GAB3: variants seen among roughly 807,000 people sequenced by gnomAD.
The protein encoded by GAB3 is GRB2-associated-binding protein 3.
GAB3 carries 12 observed loss-of-function variants against 40.4 expected under a neutral mutation model. The ratio of observed to expected loss-of-function variants is 0.30; its 90% CI spans 0.19 to 0.48. GAB3 has a LOEUF of 0.48. GAB3 is among the 20% of genes least tolerant of loss of function. The pLI is 0.99. For missense variants in GAB3, 381 were observed against 461.9 expected (o/e 0.82, Z 1.61); for synonymous variants, 154 against 176.7 (o/e 0.87, Z 1.02).
Position 154,712,156 on chromosome X carries a change from C to T in GAB3, c.1069+73G>A. 4 of 780,209 alleles carry T rather than the reference C, an allele frequency of 5.1e-6. No homozygotes were observed. In the South Asian group the frequency reaches 1.0e-4, roughly 20 times the overall value. The allele number at this position is 780,209 out of a possible 1,213,427, so 64.3% of individuals were successfully genotyped here. A position where few individuals can be genotyped will look rare whatever the true frequency, so the allele number is the denominator to read the frequency against. On this transcript the variant is annotated intron_variant, in intron 4 of 9. Coordinates refer to ENST00000424127, the MANE Select transcript of GAB3 (RefSeq NM_001081573.3). ...CCATCGTTTTGGTCCATTGGCATGA[C>T]CTCACATGGGCACAAAGAGTGAAGA...
intron 2 of GAB3, among the ~76,000 whole-genome samples, chrX:154,714,572 G>T (rs1367676982): frequency 8.9e-6 from 1 of 111,800 alleles, no homozygotes. Flanking sequence ...TGAGGCGGGG[G>T]GCTACAGAGA....
chrX:154,711,913 C>G (rs1557256099), intron 4 of GAB3, among the ~76,000 whole-genome samples: 1 of 111,758 alleles, frequency 8.9e-6, no homozygotes. Flanking sequence ...TCTATGGGGA[C>G]CTAAATGTCT....
At chrX:154,690,111 C>G (rs1270471044) in intron 8 of GAB3, among the ~76,000 whole-genome samples, 1 of 108,215 alleles carries the variant, frequency 9.2e-6, no homozygotes, top group Non-Finnish European at 1.9e-5. Context: ...GAAACAACGC[C>G]GCATATCTAC....
chrX:154,695,163 C>T (rs782070359), intron 8 of GAB3, among the ~76,000 whole-genome samples: 40 of 111,640 alleles, frequency 3.6e-4, no homozygotes, highest in Admixed American at 9.5e-4. Context: ...CAGAAGCTCT[C>T]TCTTGAGTTC....
At chrX:154,715,332 T>C (rs2071028677) in intron 2 of GAB3, among the ~76,000 whole-genome samples, 1 of 110,798 alleles carries the variant, frequency 9.0e-6, no homozygotes, top group Non-Finnish European at 1.9e-5. Flanking sequence ...ACAAAATCCA[T>C]GAAGGGAAGT....
intron 1 of GAB3, among the ~76,000 whole-genome samples, chrX:154,719,564 G>A (rs782399083): frequency 1.8e-5 from 2 of 112,210 alleles, no homozygotes; most frequent in South Asian, 7.4e-4. Context: ...AGGCATGAGG[G>A]TGGAAAGGAA....
At chrX:154,739,271 G>A (rs2071404246) in intron 1 of GAB3, among the ~76,000 whole-genome samples, 2 of 111,734 alleles carry the variant, frequency 1.8e-5, no homozygotes, top group South Asian at 3.7e-4. Context: ...GTATACTCAC[G>A]TCATCCATGT....
chrX:154,733,139 T>C (rs138879298), intron 1 of GAB3, among the ~76,000 whole-genome samples: 22 of 112,586 alleles, frequency 2.0e-4, no homozygotes, highest in Non-Finnish European at 3.2e-4. Context: ...CTCCCAAGAA[T>C]ACATGTGCAA....
intron 4 of GAB3, among the ~76,000 whole-genome samples, chrX:154,707,920 C>T (rs911806470): frequency 1.4e-4 from 16 of 111,668 alleles, no homozygotes; most frequent in African/African-American, 3.6e-4. Context: ...AGCAAATACA[C>T]GGAAATGTAT....
intron 1 of GAB3, among the ~76,000 whole-genome samples, chrX:154,735,423 T>C (rs2071351630): frequency 8.9e-6 from 1 of 111,995 alleles, no homozygotes; most frequent in Non-Finnish European, 1.9e-5. Context: ...AACAATTAAA[T>C]GCAGACTGTT....
intron 8 of GAB3, among the ~76,000 whole-genome samples, chrX:154,688,246 T>C (rs4898349): frequency 0.015 from 1,616 of 110,555 alleles, 90 homozygotes; most frequent in Admixed American, 0.14. Context: ...GCAAACTATA[T>C]ATCCATTGGA....
rs1557251649 is a variant in GAB3 at position 154,699,494 on chromosome X, A to G, written c.1145T>C (p.Met382Thr). 8.3e-7 allele frequency: 1 copy of G among 1,209,962 alleles called. No homozygotes were observed. The highest frequency in any genetic ancestry group is 1.1e-6 in the Non-Finnish European group (1 of 894,018). ...GATACTGGCTGAAGCTGTGGGGTAC[A>G]TCGGGGAGAACCTGCATGGCTGCAA... ...SLNLPCRFSP[M>T]YPTASASIED... The change falls in exon 6 of 10, where the codon ATG becomes ACG. Residue 382 changes from methionine to threonine, a missense_variant. Met to Thr is a moderately conservative substitution (Grantham distance 81). Around this residue, in one of 2 missense-constraint regions of GAB3, gnomAD observed 364 missense variants for 421.0 expected, o/e 0.86. Coordinates refer to ENST00000424127, the MANE Select transcript of GAB3 (RefSeq NM_001081573.3).
chrX:154,743,053 T>G (rs1176165567), intron 1 of GAB3, among the ~76,000 whole-genome samples: 2 of 107,604 alleles, frequency 1.9e-5, no homozygotes, highest in African/African-American at 6.8e-5. Context: ...AAGCTGTCTT[T>G]AAAAACCACT....
intron 4 of GAB3, among the ~76,000 whole-genome samples, chrX:154,704,983 G>A (rs902653805): frequency 9.0e-6 from 1 of 111,196 alleles, no homozygotes; most frequent in Non-Finnish European, 1.9e-5. Context: ...GAAACTTGAT[G>A]GCTTTACTGC....
At position 154,712,264 on chromosome X, in the gene GAB3, G is replaced by A; in HGVS notation, c.1034C>T (p.Ser345Phe). ...PECTLVPRRI[S>F]LSGLDNMRTW... ...TCTCATGTTGTCTAAACCAGAGAGG[G>A]AGATTCTTCTTGGAACCAGAGTGCA... The change falls in exon 4 of 10, where the codon TCC becomes TTC. Residue 345 changes from serine (S) to phenylalanine (F), a missense_variant. Ser to Phe is a radical substitution (Grantham distance 155). This residue lies in a region of GAB3 where 364 missense variants were observed against 421.0 expected (regional missense o/e 0.86). Coordinates refer to ENST00000424127, the MANE Select transcript of GAB3 (RefSeq NM_001081573.3). 8.3e-7 allele frequency: 1 copy of A among 1,205,434 alleles called. No homozygotes were observed. Among genetic ancestry groups the A allele is most frequent in the Non-Finnish European group, 1.1e-6 (1 of 891,523 alleles).
At chrX:154,734,673 G>A (rs782314558) in intron 1 of GAB3, among the ~76,000 whole-genome samples, 2 of 111,992 alleles carry the variant, frequency 1.8e-5, no homozygotes, top group Non-Finnish European at 3.8e-5. Context: ...TGAGCAAGGC[G>A]CTCAGGGAGG....
intron 9 of GAB3, chrX:154,679,172 T>C (rs782372356): frequency 1.8e-5 from 6 of 340,514 alleles, no homozygotes; most frequent in South Asian, 1.3e-4. Flanking sequence ...AACAAAACAA[T>C]AATAACAAAA....
At chrX:154,685,159 T>C (rs1557247545) in intron 8 of GAB3, among the ~76,000 whole-genome samples, 1 of 112,122 alleles carries the variant, frequency 8.9e-6, no homozygotes, top group African/African-American at 3.2e-5. Flanking sequence ...TTTTTAATAG[T>C]ATCTCATTAC....
intron 4 of GAB3, among the ~76,000 whole-genome samples, chrX:154,707,872 T>C (rs1285409265): frequency 8.9e-6 from 1 of 112,313 alleles, no homozygotes; most frequent in Non-Finnish European, 1.9e-5. Flanking sequence ...TAAGTTTTCA[T>C]ACAACAGCAA....
Sources: allele counts gnomAD v4.1 joint callset (sites outside exome capture counted in the v4.1 genomes callset), GRCh38; gene constraint gnomAD v4.1.1; regional missense constraint gnomAD v4.1.1; transcripts MANE v1.5; gene names NCBI Gene and HGNC (gene_info 2026-07-23, HGNC 2026-07-21).